The following SLU7 variants were observed in gnomAD, a reference collection of about 807,000 sequenced individuals.
SLU7 encodes the protein spliceosome associated SLU7, also known as pre-mRNA-splicing factor SLU7.
A neutral mutation model predicts 87.0 loss-of-function variants in SLU7; 60 were observed. The observed-to-expected ratio is 0.69, with a 90% CI of 0.56 to 0.86. The LOEUF is 0.86. Ranked by LOEUF, SLU7 falls within the 40% of genes least tolerant of loss-of-function variation. SLU7 has a pLI of 0.00. For missense variants in SLU7, 507 were observed against 686.6 expected (o/e 0.74, Z 2.92); for synonymous variants, 197 against 222.0 (o/e 0.89, Z 1.00).
chr5:160,414,382 T>C lies in SLU7; in HGVS notation c.261A>G (p.Pro87=), dbSNP rs1178911985. 2 of 1,612,082 alleles carry C rather than the reference T, an allele frequency of 1.2e-6. No homozygotes were observed. Among genetic ancestry groups the C allele is most frequent in the Non-Finnish European group, 1.7e-6 (2 of 1,178,968 alleles). The change falls in exon 3 of 16, where the codon CCA becomes CCG. Residue 87 remains proline, a synonymous_variant. Transcript: ENST00000297151. ...SKRPTLKHQR[P]QPEKQKQFSS... Reference sequence around the variant, plus strand: ...TGAACTGCTTTTGTTTTTCTGGTTGTGGTCTCTGGTGTTTTAAAGTAGGTC... The same window carrying C: ...TGAACTGCTTTTGTTTTTCTGGTTGCGGTCTCTGGTGTTTTAAAGTAGGTC...
intron 5 of SLU7, 126 bp downstream of exon 5, chr5:160,413,330 T>C (rs1176091800): frequency 5.8e-6 from 4 of 689,286 alleles, no homozygotes; most frequent in Non-Finnish European, 9.5e-6. Flanking sequence ...GCCTATACAG[T>C]AGTACTACTA....
At chr5:160,405,201 A>G (rs1764959755) in intron 12 of SLU7, 66 bp from the exon 13 acceptor site, 2 of 1,088,336 alleles carry the variant, frequency 1.8e-6, no homozygotes, top group East Asian at 2.4e-5. Flanking sequence ...TATACTGTTG[A>G]TAAGAGTATA....
intron 5 of SLU7, among the ~76,000 whole-genome samples, 175 bp from the exon 6 acceptor site, chr5:160,412,694 G>A (rs1765292794): frequency 6.6e-6 from 1 of 151,982 alleles, no homozygotes; most frequent in Non-Finnish European, 1.5e-5. Flanking sequence ...TGTAGCCCTA[G>A]ACCTATTACT....
Position 160,403,022 on chromosome 5 carries a change from A to AG in SLU7, c.*262_*263insC, listed in dbSNP as rs1320958550. Reference sequence around the variant, plus strand: ...AGAGCAAGACTCCGTCTCAAAAAAAAAAATAAATAAATAAAAAAAACTGGA... The same window carrying AG: ...AGAGCAAGACTCCGTCTCAAAAAAAAGAAATAAATAAATAAAAAAAACTGGA... On this transcript the variant is annotated 3_prime_UTR_variant, in exon 16 of 16. Transcript: ENST00000297151. The AG allele has an allele frequency of 3.0e-5, 7 of 233,130 alleles. No individual in the cohort carries two copies. The highest frequency in any genetic ancestry group is 4.9e-5 in the Non-Finnish European group (6 of 122,624). The allele number at this position is 233,130 out of a possible 1,614,324, so 14.4% of individuals were successfully genotyped here. A position where few individuals can be genotyped will look rare whatever the true frequency, so the allele number is the denominator to read the frequency against.
At position 160,413,852 on chromosome 5, in the gene SLU7, AG is replaced by A. The variant is rs763356432; in HGVS notation, c.405+46del. 117 of 1,330,904 alleles carry A rather than the reference AG, an allele frequency of 8.8e-5. 1 individual carries two copies. In the South Asian group the frequency reaches 1.5e-3, roughly 17 times the overall value. The allele number at this position is 1,330,904 out of a possible 1,614,324, so 82.4% of individuals were successfully genotyped here. A position where few individuals can be genotyped will look rare whatever the true frequency, so the allele number is the denominator to read the frequency against. On this transcript the variant is annotated intron_variant, in intron 4 of 15. Transcript: ENST00000297151. ...AAGTTAGCTCTCTGACAAAGAAAAA[AG>A]AAAGACTCTGACAACGGTTTTCAAA...
At position 160,413,957 on chromosome 5, in the gene SLU7, C is replaced by A; in HGVS notation, c.347G>T (p.Arg116Leu). ...VKENSIITKY[R>L]KGACENCGAM... is the part of the protein sequence containing the mutation. ...CCCACAATTTTCACATGCTCCTTTG[C>A]GGTACTTAGTAATTATGGAATTCTA... is the stretch of plus-strand genomic sequence containing the variant. Residue 116 changes from arginine (R) to leucine (L), a missense_variant, in exon 4 of 16, where the codon CGC becomes CTC. Transcript: ENST00000297151. The A allele has an allele frequency of 3.8e-6, 6 of 1,589,576 alleles. No individual in the cohort carries two copies. Among genetic ancestry groups the A allele is most frequent in the Non-Finnish European group, 4.3e-6 (5 of 1,168,154 alleles).
chr5:160,416,491 C>CA (rs1219346587), intron 1 of SLU7, among the ~76,000 whole-genome samples: 1 of 152,212 alleles, frequency 6.6e-6, no homozygotes, highest in Non-Finnish European at 1.5e-5. Context: ...AGGCCAGAGG[C>CA]ATTTAAACTC....
intron 7 of SLU7, 58 bp from the exon 8 acceptor site, chr5:160,408,518 T>G: frequency 6.5e-7 from 1 of 1,546,532 alleles, no homozygotes; most frequent in Non-Finnish European, 8.8e-7. Context: ...GTAGTTCTTT[T>G]TTTTCCCCTT....
chr5:160,410,589 T>A (rs1430336338), intron 6 of SLU7, among the ~76,000 whole-genome samples: 2 of 152,048 alleles, frequency 1.3e-5, no homozygotes, highest in Non-Finnish European at 2.9e-5. Context: ...AATCCAAGCA[T>A]CCAAGTGGGC....
chr5:160,406,347 A>G (rs1256658085), intron 12 of SLU7, 121 bp downstream of exon 12: 1 of 750,544 alleles, frequency 1.3e-6, no homozygotes, highest in Non-Finnish European at 1.9e-6. Flanking sequence ...AAACAGTTAA[A>G]ATTTTTTTTT....
chr5:160,404,903 G>A (rs1764943768), intron 13 of SLU7, 23 bp from the exon 14 acceptor site: 9 of 1,550,052 alleles, frequency 5.8e-6, no homozygotes, highest in Non-Finnish European at 8.0e-6. Flanking sequence ...CATGTAATTT[G>A]AGTTGAGTGT....
At chr5:160,416,963 T>C (rs1489160600) in intron 1 of SLU7, 1 of 152,188 alleles carries the variant, frequency 6.6e-6, no homozygotes, top group Non-Finnish European at 1.5e-5. Context: ...TGGTAATGAA[T>C]AAGTTTCACG....
intron 6 of SLU7, among the ~76,000 whole-genome samples, chr5:160,410,054 T>G (rs553054127): frequency 6.6e-6 from 1 of 152,230 alleles, no homozygotes; most frequent in South Asian, 2.1e-4. Context: ...GAAAACACGT[T>G]CCCACTGTAC....
intron 12 of SLU7, among the ~76,000 whole-genome samples, chr5:160,405,569 C>A (rs1265030807): frequency 7.3e-6 from 1 of 137,476 alleles, no homozygotes; most frequent in Non-Finnish European, 1.6e-5. Flanking sequence ...TTTTGACCCT[C>A]AACTAAGAGA....
intron 6 of SLU7, among the ~76,000 whole-genome samples, chr5:160,409,732 A>ACGGC (rs1299029518): frequency 1.3e-5 from 2 of 152,188 alleles, no homozygotes; most frequent in Non-Finnish European, 2.9e-5. Flanking sequence ...GGAACACTGA[A>ACGGC]CGGCCATTAA....
At chr5:160,406,404 G>C in intron 12 of SLU7, 64 bp downstream of exon 12, 9 of 1,202,252 alleles carry the variant, frequency 7.5e-6, no homozygotes, top group Non-Finnish European at 1.0e-5. Context: ...TAAAGTTGTA[G>C]TGGAAAAATG....
At chr5:160,408,254 T>C (rs776549248) in intron 8 of SLU7, 75 bp downstream of exon 8, 8 of 1,471,550 alleles carry the variant, frequency 5.4e-6, no homozygotes, top group African/African-American at 2.8e-5. Flanking sequence ...ATCCATATGC[T>C]ACCCAGAGTC....
At position 160,415,236 on chromosome 5, in the gene SLU7, A is replaced by T. The variant is rs748179307; in HGVS notation, c.59T>A (p.Met20Lys). 3 of 1,610,296 alleles carry T rather than the reference A, an allele frequency of 1.9e-6. No homozygotes were observed. The highest frequency in any genetic ancestry group is 2.5e-6 in the Non-Finnish European group (3 of 1,178,454). Reference protein sequence around the residue: ...NAAPLSGSKEMSLEEPKKMTR... With the variant: ...NAAPLSGSKEKSLEEPKKMTR... ...CATCTTCTTTGGTTCTTCCAAACTC[A>T]TTTCTTTGGACCCCGATAGGGGTGC... Residue 20 changes from methionine (M) to lysine (K), a missense_variant, in exon 2 of 16, where the codon ATG (methionine) becomes AAG (lysine). Physicochemically the swap from Met to Lys is moderately conservative, Grantham distance 95 (BLOSUM62 -1). This residue lies in a region of SLU7 where 33 missense variants were observed against 37.3 expected (regional missense o/e 0.88). Transcript: ENST00000297151.
rs1764953631 is a variant in SLU7, at chr5:160,405,080, G to C, written c.1343C>G (p.Ser448Cys). ...EGRWGYKCCH[S>C]FFKYSYCTGE... ...AGTACAATAGGAATACTTGAAAAAA[G>C]AGTGACAGCATTTGTATCCCCATCG... Residue 448 changes from serine (S) to cysteine (C), a missense_variant, in exon 13 of 16, where the codon TCT (serine) becomes TGT (cysteine). Ser to Cys is a moderately radical substitution (Grantham distance 112). Around this residue, in one of 6 missense-constraint regions of SLU7, gnomAD observed 201 missense variants for 213.4 expected, o/e 0.94. Transcript: ENST00000297151. 6.2e-7 allele frequency: 1 copy of C among 1,613,802 alleles called. No individual in the cohort carries two copies. Among genetic ancestry groups the C allele is most frequent in the Non-Finnish European group, 8.5e-7 (1 of 1,179,756 alleles).
Sources: gnomAD v4.1 joint callset for allele counts (sites outside exome capture counted in the v4.1 genomes callset) on GRCh38, gnomAD v4.1.1 for gene constraint, gnomAD v4.1.1 regional missense constraint, MANE v1.5 for transcripts, NCBI Gene and HGNC (gene_info 2026-07-23, HGNC 2026-07-21) for gene names.